Variants in WNT2B observed in about 807,000 individuals in gnomAD.
The protein encoded by WNT2B is protein Wnt-2b.
Under a neutral mutation model 40.5 loss-of-function variants are expected in WNT2B, and 19 were observed. The observed-to-expected ratio is 0.47, with a 90% CI of 0.33 to 0.69. The LOEUF (loss-of-function observed/expected upper bound fraction) is 0.69. WNT2B is among the 30% of genes least tolerant of loss of function. The pLI, the probability that WNT2B is intolerant of heterozygous loss-of-function variation, is 0.02. For missense variants in WNT2B, 467 were observed against 556.4 expected (o/e 0.84, Z 1.62); for synonymous variants, 220 against 211.9 (o/e 1.04, Z -0.33).
In WNT2B at chr1:112,527,463, G is replaced by T. The variant is rs918047129; in HGVS notation, c.*6954G>T. ...AATTCCATTGCTCACCTCCTGCATAGCAGCACAGCCCCATGAGGCCACACA... is the reference window on the plus strand; with the variant it reads ...AATTCCATTGCTCACCTCCTGCATATCAGCACAGCCCCATGAGGCCACACA... On this transcript the variant is annotated 3_prime_UTR_variant, in exon 5 of 5. Coordinates refer to ENST00000369684, the MANE Select transcript of WNT2B (RefSeq NM_024494.3). 5 of 152,724 alleles carry T rather than the reference G, an allele frequency of 3.3e-5. No individual in the cohort carries two copies. Among genetic ancestry groups the T allele is most frequent in the African/African-American group, 1.2e-4 (5 of 41,440 alleles). 9.5% of individuals were successfully genotyped at this position (152,724 alleles called of 1,614,324 possible).
intron 1 of WNT2B, among the ~76,000 whole-genome samples, chr1:112,510,084 C>G (rs1456256220): frequency 6.6e-6 from 1 of 152,114 alleles, no homozygotes; most frequent in African/African-American, 2.4e-5. Context: ...CTATTCTTTC[C>G]CATCTCCCAT....
intron 1 of WNT2B, among the ~76,000 whole-genome samples, chr1:112,498,909 A>G (rs1651860473): frequency 6.6e-6 from 1 of 152,100 alleles, no homozygotes; most frequent in Non-Finnish European, 1.5e-5. Flanking sequence ...CCATTACCCA[A>G]TTTCAAAGCT....
At position 112,516,241 on chromosome 1, in the gene WNT2B, G is replaced by A. The variant is rs764473196; in HGVS notation, c.505G>A (p.Asp169Asn). Residue 169 changes from aspartate to asparagine, a missense_variant, in exon 3 of 5, where the codon GAC becomes AAC. By Grantham distance (23) the Asp-to-Asn change is conservative. Around this residue, in one of 2 missense-constraint regions of WNT2B, gnomAD observed 330 missense variants for 438.6 expected, o/e 0.75. Transcript: ENST00000369684. Reference sequence around the variant, plus strand: ...GGGTGAACTGAGTGTGTGCAGCTGTGACCCCTACACCCGTGGCCGACACCA... The same window carrying A: ...GGGTGAACTGAGTGTGTGCAGCTGTAACCCCTACACCCGTGGCCGACACCA... ...SQGELSVCSCDPYTRGRHHDQ... is the reference protein window; with the variant it reads ...SQGELSVCSCNPYTRGRHHDQ... 3 of 1,614,056 alleles carry A rather than the reference G, an allele frequency of 1.9e-6. No homozygotes were observed. In the South Asian group the frequency reaches 3.3e-5, roughly 18 times the overall value.
At chr1:112,506,076 G>C (rs1487123527), upstream of WNT2B, among the ~76,000 whole-genome samples, 1 of 152,134 alleles carries the variant, frequency 6.6e-6, no homozygotes, top group Non-Finnish European at 1.5e-5. Flanking sequence ...GTGCATTCAT[G>C]CCTCACTGCA....
chr1:112,525,981 A>G lies in WNT2B; in HGVS notation c.*5472A>G. 1 of 1,612,392 alleles carries G rather than the reference A, an allele frequency of 6.2e-7. No homozygotes were observed. The highest frequency in any genetic ancestry group is 8.5e-7 in the Non-Finnish European group (1 of 1,178,854). On this transcript the variant is annotated 3_prime_UTR_variant, in exon 5 of 5. Coordinates refer to ENST00000369684, the MANE Select transcript of WNT2B (RefSeq NM_024494.3). ...AGATGCTGTTCAGAAAAATTTGGTG[A>G]TTTGTCCAAGGTCACATGAACAGTG... is the stretch of plus-strand genomic sequence containing the variant.
chr1:112,484,234 C>CATAT (rs1326473514), intron 1 of WNT2B, among the ~76,000 whole-genome samples: 2 of 117,996 alleles, frequency 1.7e-5, no homozygotes, highest in East Asian at 2.2e-4. Context: ...TATATATACA[C>CATAT]ATATATATAC....
intron 1 of WNT2B, among the ~76,000 whole-genome samples, chr1:112,468,387 T>C (rs903200185): frequency 6.6e-6 from 1 of 152,194 alleles, no homozygotes; most frequent in African/African-American, 2.4e-5. Flanking sequence ...TTGTTTTCCA[T>C]AGTGGTTGTA....
intron 1 of WNT2B, among the ~76,000 whole-genome samples, chr1:112,512,326 G>A (rs998549240): frequency 2.0e-5 from 3 of 152,180 alleles, no homozygotes; most frequent in East Asian, 3.8e-4. Flanking sequence ...GAACAAAACC[G>A]ACAAAAATCC....
chr1:112,496,517 GC>G (rs1651775124), intron 1 of WNT2B, among the ~76,000 whole-genome samples: 1 of 152,078 alleles, frequency 6.6e-6, no homozygotes, highest in Non-Finnish European at 1.5e-5. Flanking sequence ...TTTCCCTCCA[GC>G]TATGAGCCCA....
chr1:112,498,971 G>T (rs1037367613), intron 1 of WNT2B, among the ~76,000 whole-genome samples: 2 of 152,160 alleles, frequency 1.3e-5, no homozygotes, highest in Non-Finnish European at 2.9e-5. Context: ...ACTTTGGGAG[G>T]CCGAGGCAGG....
chr1:112,495,471 C>A (rs1186629757), intron 1 of WNT2B, among the ~76,000 whole-genome samples: 4 of 152,094 alleles, frequency 2.6e-5, no homozygotes, highest in African/African-American at 9.7e-5. Flanking sequence ...TGCCTATAGT[C>A]CCAGCTACTA....
intron 1 of WNT2B, among the ~76,000 whole-genome samples, chr1:112,479,984 T>A (rs960486907): frequency 1.3e-5 from 2 of 151,716 alleles, no homozygotes; most frequent in African/African-American, 4.8e-5. Context: ...AGTGCTGGGA[T>A]TACAGACGTG....
chr1:112,467,108 G>A (rs1468060667), exon 1 of WNT2B: 2 of 162,690 alleles, frequency 1.2e-5, no homozygotes, highest in African/African-American at 4.8e-5. Context: ...TGGTCTTGAA[G>A]GAGAGGTAGA....
chr1:112,486,779 G>A (rs1230592321), intron 1 of WNT2B, among the ~76,000 whole-genome samples: 8 of 152,070 alleles, frequency 5.3e-5, no homozygotes. Context: ...ACCACAATGA[G>A]ATAGCAATAC....
intron 1 of WNT2B, among the ~76,000 whole-genome samples, chr1:112,495,325 C>T (rs1651726597): frequency 6.6e-6 from 1 of 151,844 alleles, no homozygotes; most frequent in African/African-American, 2.4e-5. Flanking sequence ...GTCTGTAATC[C>T]CAGCACTTTG....
intron 1 of WNT2B, among the ~76,000 whole-genome samples, chr1:112,481,719 A>G (rs1004434927): frequency 6.6e-6 from 1 of 152,210 alleles, no homozygotes; most frequent in African/African-American, 2.4e-5. Context: ...CAACATAAAA[A>G]AATTAATCAG....
At chr1:112,476,760 G>A (rs1651065949) in intron 1 of WNT2B, among the ~76,000 whole-genome samples, 1 of 152,174 alleles carries the variant, frequency 6.6e-6, no homozygotes, top group African/African-American at 2.4e-5. Flanking sequence ...AACTGACAGA[G>A]CTTTCCAGGG....
At chr1:112,491,011 A>G in intron 1 of WNT2B, 1 of 1,614,082 alleles carries the variant, frequency 6.2e-7, no homozygotes, top group Admixed American at 1.7e-5. Context: ...TTCCGACCAG[A>G]CTGAAGGATC....
chr1:112,489,959 A>G (rs995566900), intron 1 of WNT2B, among the ~76,000 whole-genome samples: 2 of 152,192 alleles, frequency 1.3e-5, no homozygotes, highest in African/African-American at 4.8e-5. Flanking sequence ...CAAGTCTAAT[A>G]CAAGCTTCAT....
Sources: allele counts gnomAD v4.1 joint callset (sites outside exome capture counted in the v4.1 genomes callset), GRCh38; gene constraint gnomAD v4.1.1; regional missense constraint gnomAD v4.1.1; transcripts MANE v1.5; gene names NCBI Gene and HGNC (gene_info 2026-07-23, HGNC 2026-07-21).